Variants in ZDHHC23 observed in about 807,000 individuals in gnomAD.
The protein encoded by ZDHHC23 is zDHHC palmitoyltransferase 23.
In ZDHHC23, 41 loss-of-function variants were observed where a neutral mutation model predicts 40.2. The observed-to-expected ratio is 1.02, with a 90% CI of 0.79 to 1.32. The LOEUF (loss-of-function observed/expected upper bound fraction) is 1.32. Ranked by LOEUF, ZDHHC23 falls within the 40% of genes most tolerant of loss-of-function variation. The pLI, the probability that ZDHHC23 is intolerant of heterozygous loss-of-function variation, is 0.00. For synonymous variants in ZDHHC23, 204 were observed against 210.2 expected, an observed-to-expected ratio of 0.97 and a Z score of 0.26; for missense variants, 471 against 541.5, an observed-to-expected ratio of 0.87 and a Z score of 1.29.
intron 4 of ZDHHC23, 122 bp downstream of exon 4, chr3:113,956,628 C>A: frequency 9.8e-7 from 1 of 1,018,628 alleles, no homozygotes; most frequent in Non-Finnish European, 1.4e-6. Context: ...TATGGAAATG[C>A]TGGGTATCCC....
rs566640525 is a variant in ZDHHC23 at position 113,962,259 on chromosome 3, A to G, written c.*3629A>G. 1 of 152,360 alleles carries G rather than the reference A, an allele frequency of 6.6e-6. No individual in the cohort carries two copies. Among genetic ancestry groups the G allele is most frequent in the Admixed American group, 6.5e-5 (1 of 15,304 alleles). The allele number at this position is 152,360 out of a possible 1,614,324, so 9.4% of individuals were successfully genotyped here. ...CCTGTGGATGTCTGCTGTGACTAAT[A>G]TAAATTTCTTGCAGAATCAGCTACA... On this transcript the variant is annotated 3_prime_UTR_variant, in exon 5 of 5. Transcript: ENST00000638807.
At chr3:113,950,634 C>T (rs141471309) in intron 2 of ZDHHC23, among the ~76,000 whole-genome samples, 1 of 152,310 alleles carries the variant, frequency 6.6e-6, no homozygotes, top group Non-Finnish European at 1.5e-5. Flanking sequence ...AAATTTATGT[C>T]CTTCTCACAT....
chr3:113,956,362 C>A lies in ZDHHC23; in HGVS notation c.896C>A (p.Ser299Ter). ...AGGATAAATAGCTGCGTTGGAGAAT[C>A]AAATCATCAAGCATTTATACTTGCC... Reference protein sequence around the residue: ...CVWINSCVGESNHQAFILALL... With the variant: ...CVWINSCVGE The change falls in exon 4 of 5, where the codon TCA becomes TAA. Residue 299 changes from serine to a stop codon, truncating the protein, a stop_gained. Transcript: ENST00000638807. LOFTEE classifies it high-confidence loss of function. 6.2e-7 allele frequency: 1 copy of A among 1,614,034 alleles called. No individual in the cohort carries two copies. The highest frequency in any genetic ancestry group is 1.1e-5 in the South Asian group (1 of 90,992).
At chr3:113,955,974 T>C (rs912063066) in intron 3 of ZDHHC23, among the ~76,000 whole-genome samples, 5 of 152,238 alleles carry the variant, frequency 3.3e-5, no homozygotes, top group Non-Finnish European at 7.3e-5. Context: ...CTGGGCGCAG[T>C]GGCTCATGCC....
downstream of ZDHHC23, among the ~76,000 whole-genome samples, chr3:113,968,529 A>G (rs1940458937): frequency 6.7e-6 from 1 of 148,188 alleles, no homozygotes; most frequent in Non-Finnish European, 1.5e-5. Flanking sequence ...GTTCACTTCT[A>G]CCTTCACCTC....
At chr3:113,970,896 CTCA>C in the ZDHHC23 span, among the ~76,000 whole-genome samples, 1 of 152,142 alleles carries the variant, frequency 6.6e-6, no homozygotes. Context: ...AGGACATGAA[CTCA>C]TCATTTTTTA....
rs1468720936 is a variant in ZDHHC23, at chr3:113,953,695, A to T, written c.162-5A>T. 4 of 1,607,292 alleles carry T rather than the reference A, an allele frequency of 2.5e-6. No individual in the cohort carries two copies. Among genetic ancestry groups the T allele is most frequent in the Admixed American group, 1.7e-5 (1 of 59,452 alleles). On this transcript the variant is annotated splice_polypyrimidine_tract_variant and splice_region_variant and intron_variant, in intron 2 of 4. Transcript: ENST00000638807. ...GTCCCTCCTCTTTGTGCTTTTTCTGAATAGATGGATTACATGTAAATCTTT... is the reference window on the plus strand; with the variant it reads ...GTCCCTCCTCTTTGTGCTTTTTCTGTATAGATGGATTACATGTAAATCTTT...
downstream of ZDHHC23, among the ~76,000 whole-genome samples, chr3:113,966,133 G>C (rs1940137872): frequency 6.6e-6 from 1 of 152,164 alleles, no homozygotes; most frequent in Admixed American, 6.5e-5. Context: ...TACAGGCATT[G>C]AGGCCTCAGT....
chr3:113,960,709 A>T lies in ZDHHC23; in HGVS notation c.*2079A>T. 2.5e-6 allele frequency: 4 copies of T among 1,605,004 alleles called. No homozygotes were observed. Among genetic ancestry groups the T allele is most frequent in the Non-Finnish European group, 3.4e-6 (4 of 1,176,418 alleles). ...TGATGACAATTTTTTTTAACAACTT[A>T]CCTCTAATAGGGTTACTTGGATGAG... is the stretch of plus-strand genomic sequence containing the variant. On this transcript the variant is annotated 3_prime_UTR_variant, in exon 5 of 5. Transcript: ENST00000638807.
chr3:113,960,304 C>G lies in ZDHHC23; in HGVS notation c.*1674C>G, dbSNP rs376765848. The G allele has an allele frequency of 9.7e-7, 1 of 1,027,610 alleles. No homozygotes were observed. The highest frequency in any genetic ancestry group is 1.2e-6 in the Non-Finnish European group (1 of 857,344). 63.7% of individuals were successfully genotyped at this position (1,027,610 alleles called of 1,614,324 possible). A position where few individuals can be genotyped will look rare whatever the true frequency, so the allele number is the denominator to read the frequency against. On this transcript the variant is annotated 3_prime_UTR_variant, in exon 5 of 5. Transcript: ENST00000638807. Reference sequence around the variant, plus strand: ...TTTTCCCCAGAGATGGTTTGTTTAACGAATGATAGGCTCTGTGCCTGGGGA... The same window carrying G: ...TTTTCCCCAGAGATGGTTTGTTTAAGGAATGATAGGCTCTGTGCCTGGGGA...
Position 113,957,077 on chromosome 3 carries a change from T to C in ZDHHC23, c.1040+571T>C, listed in dbSNP as rs150477699. 7.8e-3 allele frequency among the ~76,000 whole-genome samples: 1,193 copies of C among 152,308 alleles called. 15 individuals carry two copies. Among genetic ancestry groups the C allele is most frequent in the African/African-American group, 0.026 (1,083 of 41,574 alleles). On this transcript the variant is annotated intron_variant, in intron 4 of 4. Coordinates refer to ENST00000638807, the MANE Select transcript of ZDHHC23 (RefSeq NM_001320466.2). ...TGTGATATGTAGGTCAAAATTTCCT[T>C]AGGCCCCTTTATAGATTGTGAAGAT...
At chr3:113,951,172 G>T (rs1193190141) in intron 2 of ZDHHC23, among the ~76,000 whole-genome samples, 2 of 152,130 alleles carry the variant, frequency 1.3e-5, no homozygotes, top group African/African-American at 4.8e-5. Context: ...TCTTGGGGGT[G>T]ACCCTGTCCC....
At chr3:113,975,579 C>T in the ZDHHC23 span, among the ~76,000 whole-genome samples, 3 of 152,202 alleles carry the variant, frequency 2.0e-5, no homozygotes, top group Non-Finnish European at 2.9e-5. Context: ...GGTGCTTCCA[C>T]TCTGTTTAAC....
the ZDHHC23 span, among the ~76,000 whole-genome samples, chr3:113,971,583 T>C: frequency 6.6e-6 from 1 of 152,216 alleles, no homozygotes; most frequent in Non-Finnish European, 1.5e-5. Flanking sequence ...GGTTTGCCGG[T>C]ATTTGGTTGA....
chr3:113,976,523 T>C, the ZDHHC23 span, among the ~76,000 whole-genome samples: 2 of 152,142 alleles, frequency 1.3e-5, no homozygotes, highest in Admixed American at 1.3e-4. Flanking sequence ...ATGAGATGGT[T>C]TGTGCAAAAG....
intron 2 of ZDHHC23, among the ~76,000 whole-genome samples, chr3:113,953,340 T>A (rs1577255057): frequency 1.3e-5 from 2 of 152,328 alleles, no homozygotes; most frequent in Admixed American, 1.3e-4. Flanking sequence ...TTATTGCTGC[T>A]TTGTCACTTA....
chr3:113,957,816 G>A (rs1461895017), intron 4 of ZDHHC23: 1 of 518,686 alleles, frequency 1.9e-6, no homozygotes, highest in Admixed American at 1.9e-5. Context: ...GCTTTAGGAG[G>A]GTGAATTTGG....
At chr3:113,949,465 T>G (rs1223255208) in intron 2 of ZDHHC23, among the ~76,000 whole-genome samples, 1 of 152,216 alleles carries the variant, frequency 6.6e-6, no homozygotes, top group Non-Finnish European at 1.5e-5. Context: ...CCAGAAGGCA[T>G]GTATCTCCCC....
At chr3:113,955,872 G>A (rs1939181520) in intron 3 of ZDHHC23, among the ~76,000 whole-genome samples, 1 of 152,174 alleles carries the variant, frequency 6.6e-6, no homozygotes, top group South Asian at 2.1e-4. Flanking sequence ...GCATTCCTCA[G>A]GGTGCAAGTT....
Sources: allele counts gnomAD v4.1 joint callset (sites outside exome capture counted in the v4.1 genomes callset), GRCh38; gene constraint gnomAD v4.1.1; transcripts MANE v1.5; gene names NCBI Gene and HGNC (gene_info 2026-07-23, HGNC 2026-07-21).